Variants in YPEL2 observed in about 807,000 individuals in gnomAD.
YPEL2 encodes the protein protein yippee-like 2.
YPEL2 carries 2 observed loss-of-function variants against 19.1 expected under a neutral mutation model. That is an observed-to-expected ratio of 0.10 (90% CI 0.04 to 0.33). The LOEUF is 0.33. Ranked by LOEUF, YPEL2 falls within the 10% of genes least tolerant of loss-of-function variation. The pLI is 1.00. For missense variants in YPEL2, 66 were observed against 140.7 expected (o/e 0.47, Z 2.68); for synonymous variants, 52 against 50.0 (o/e 1.04, Z -0.17).
intron 1 of YPEL2, among the ~76,000 whole-genome samples, chr17:59,349,991 C>G (rs2047780014): frequency 6.6e-6 from 1 of 152,176 alleles, no homozygotes; most frequent in Admixed American, 6.5e-5. Context: ...CTTCTCCTTG[C>G]TTTCTACTTA....
intron 4 of YPEL2, among the ~76,000 whole-genome samples, chr17:59,393,731 C>T (rs541559335): frequency 2.2e-4 from 32 of 148,788 alleles, no homozygotes; most frequent in Admixed American, 2.1e-3. Flanking sequence ...GAGCATGCTG[C>T]CTTCAAGCAT....
In YPEL2 at chr17:59,353,132, ATGGG is replaced by A; in HGVS notation, c.-195-79_-195-76del. 1 of 291,484 alleles carries A rather than the reference ATGGG, an allele frequency of 3.4e-6. No individual in the cohort carries two copies. The highest frequency in any genetic ancestry group is 6.5e-5 in the East Asian group (1 of 15,404). The allele number at this position is 291,484 out of a possible 1,614,324, so 18.1% of individuals were successfully genotyped here. On this transcript the variant is annotated intron_variant, in intron 1 of 4. Coordinates refer to ENST00000312655, the MANE Select transcript of YPEL2 (RefSeq NM_001005404.4). This position sits in a 1 kb window ranked among gnomAD's most constrained non-coding sequence, Gnocchi z 4.8. Reference sequence around the variant, plus strand: ...TGATCCTGTCAGTGTTGCCTTCTTCATGGGTGGCAGTTGGATTCTGCTTGCTTTG... The same window carrying A: ...TGATCCTGTCAGTGTTGCCTTCTTCATGGCAGTTGGATTCTGCTTGCTTTG...
chr17:59,369,715 C>T (rs985966325), intron 2 of YPEL2, among the ~76,000 whole-genome samples: 5 of 152,356 alleles, frequency 3.3e-5, no homozygotes, highest in African/African-American at 4.8e-5. Flanking sequence ...GGAAGATACA[C>T]GTGCTGTCCC....
intron 1 of YPEL2, among the ~76,000 whole-genome samples, chr17:59,351,947 C>T (rs1567736907): frequency 6.6e-6 from 1 of 152,238 alleles, no homozygotes; most frequent in East Asian, 1.9e-4. Flanking sequence ...AGAAGTATGG[C>T]GGCCTCAGTG....
chr17:59,393,468 CTTT>C (rs573966045), intron 4 of YPEL2, among the ~76,000 whole-genome samples: 4 of 146,630 alleles, frequency 2.7e-5, no homozygotes, highest in Non-Finnish European at 6.0e-5. Flanking sequence ...AACTCATTTT[CTTT>C]TTTTTTATTT....
At chr17:59,389,539 T>C in intron 4 of YPEL2, 71 bp downstream of exon 4, 1 of 1,208,676 alleles carries the variant, frequency 8.3e-7, no homozygotes, top group East Asian at 2.4e-5. Context: ...CAGAACACTT[T>C]CTTCTACTCG....
In YPEL2 at chr17:59,399,075, C is replaced by G. The variant is rs970265877; in HGVS notation, c.*1885C>G. The G allele has an allele frequency of 1.3e-5, 2 of 152,480 alleles. No homozygotes were observed. Among genetic ancestry groups the G allele is most frequent in the Admixed American group, 1.3e-4 (2 of 15,270 alleles). The allele number at this position is 152,480 out of a possible 1,614,324, so 9.4% of individuals were successfully genotyped here. A position where few individuals can be genotyped will look rare whatever the true frequency, so the allele number is the denominator to read the frequency against. On this transcript the variant is annotated 3_prime_UTR_variant, in exon 5 of 5. Transcript: ENST00000312655. ...GCCCTGGGAGATCAAGTTGTTCTCC[C>G]CACTTTACTGCAAGGTAGACTGAAG... is the stretch of plus-strand genomic sequence containing the variant.
chr17:59,365,869 A>T (rs555683232), intron 2 of YPEL2, among the ~76,000 whole-genome samples: 2 of 152,202 alleles, frequency 1.3e-5, no homozygotes, highest in South Asian at 2.1e-4. Context: ...AGAAACAACA[A>T]CATCTAATCA....
chr17:59,379,386 G>A (rs1216098880), intron 2 of YPEL2, among the ~76,000 whole-genome samples: 1 of 152,186 alleles, frequency 6.6e-6, no homozygotes, highest in African/African-American at 2.4e-5. Context: ...AAAAAGGACT[G>A]ATCTGACCCT....
At chr17:59,334,180 C>G (rs1276857196) in intron 1 of YPEL2, among the ~76,000 whole-genome samples, 3 of 152,048 alleles carry the variant, frequency 2.0e-5, no homozygotes, top group African/African-American at 7.2e-5. Flanking sequence ...GTGAGTAGTG[C>G]CGATGAGTTG....
At chr17:59,360,087 A>T (rs1483744007) in intron 2 of YPEL2, among the ~76,000 whole-genome samples, 3 of 151,778 alleles carry the variant, frequency 2.0e-5, no homozygotes, top group Non-Finnish European at 2.9e-5. Context: ...TTATTTATTT[A>T]TTTTTTTGAG....
chr17:59,347,895 C>G (rs991704608), intron 1 of YPEL2, among the ~76,000 whole-genome samples: 3 of 152,174 alleles, frequency 2.0e-5, no homozygotes, highest in African/African-American at 7.2e-5. Context: ...CCATGTCTGT[C>G]TGAACTCTCA....
At chr17:59,375,417 A>T (rs761328253) in intron 2 of YPEL2, among the ~76,000 whole-genome samples, 1 of 152,312 alleles carries the variant, frequency 6.6e-6, no homozygotes, top group East Asian at 1.9e-4. Context: ...CCAAAGCAAG[A>T]AGGGATTTAG....
chr17:59,381,896 T>G (rs1397408833), intron 2 of YPEL2, among the ~76,000 whole-genome samples: 1 of 152,222 alleles, frequency 6.6e-6, no homozygotes, highest in Non-Finnish European at 1.5e-5. Context: ...GTTTGCTTTA[T>G]TCTAATTGCT....
chr17:59,335,754 G>T (rs891495420), intron 1 of YPEL2, among the ~76,000 whole-genome samples: 2 of 152,050 alleles, frequency 1.3e-5, no homozygotes, highest in African/African-American at 2.4e-5. Flanking sequence ...TCACCATATT[G>T]TCCAGGCTGG....
chr17:59,386,175 T>C (rs62996760), intron 2 of YPEL2, among the ~76,000 whole-genome samples: 20 of 136,054 alleles, frequency 1.5e-4, no homozygotes, highest in African/African-American at 5.6e-4. Context: ...TTTTTTTTTT[T>C]AAATAGCTGG....
At chr17:59,351,896 T>C (rs555819773) in intron 1 of YPEL2, among the ~76,000 whole-genome samples, 1 of 152,110 alleles carries the variant, frequency 6.6e-6, no homozygotes, top group Non-Finnish European at 1.5e-5. Flanking sequence ...AGCCTAGTGC[T>C]AGTTAGTTAG....
intron 4 of YPEL2, 78 bp downstream of exon 4, chr17:59,389,546 C>T: frequency 3.5e-6 from 4 of 1,142,516 alleles, no homozygotes; most frequent in Non-Finnish European, 5.1e-6. Context: ...CTTTCTTCTA[C>T]TCGCTTTCCA....
At chr17:59,391,816 C>A (rs1219783782) in intron 4 of YPEL2, among the ~76,000 whole-genome samples, 7 of 152,046 alleles carry the variant, frequency 4.6e-5, no homozygotes, top group Non-Finnish European at 1.0e-4. Flanking sequence ...AGGAGAATCG[C>A]TTGAACCCAG....
Sources: allele counts gnomAD v4.1 joint callset (sites outside exome capture counted in the v4.1 genomes callset), GRCh38; gene constraint gnomAD v4.1.1; non-coding constraint Gnocchi (gnomAD v3.1); transcripts MANE v1.5; gene names NCBI Gene and HGNC (gene_info 2026-07-23, HGNC 2026-07-21).